Variants in CHLSN observed in about 807,000 individuals in gnomAD.
CHLSN encodes protein cholesin.
At chr7:1,002,673 G>A in the CHLSN span, among the ~76,000 whole-genome samples, 1 of 118,494 alleles carries the variant, frequency 8.4e-6, no homozygotes, top group African/African-American at 3.6e-5. Flanking sequence ...TCCTGCGGGT[G>A]AGTGGAGTCC....
the CHLSN span, among the ~76,000 whole-genome samples, chr7:1,119,106 G>C: frequency 2.6e-5 from 4 of 151,902 alleles, no homozygotes; most frequent in African/African-American, 9.7e-5. Context: ...TACAAAATTA[G>C]CCAGGCGTGG....
At chr7:999,289 GGA>G in the CHLSN span, among the ~76,000 whole-genome samples, 200 of 152,376 alleles carry the variant, frequency 1.3e-3, no homozygotes, top group East Asian at 0.019. Context: ...TCCTCCACAT[GGA>G]ACAGGCTTGG....
At chr7:1,023,027 C>G in the CHLSN span, 1 of 457,942 alleles carries the variant, frequency 2.2e-6, no homozygotes, top group Non-Finnish European at 4.4e-6. This position sits in a 1 kb window ranked among gnomAD's most constrained non-coding sequence, Gnocchi z 5.0. Flanking sequence ...GGCCGCCCCG[C>G]CCCTGCGGAG....
At chr7:1,078,072 C>T in the CHLSN span, 1 of 152,150 alleles carries the variant, frequency 6.6e-6, no homozygotes, top group South Asian at 2.1e-4. Flanking sequence ...ATTTTTACAG[C>T]GTTTGGGATT....
the CHLSN span, chr7:1,009,854 CT>C: frequency 9.0e-7 from 1 of 1,116,710 alleles, no homozygotes; most frequent in Admixed American, 2.8e-5. Flanking sequence ...GCTCTAGAAC[CT>C]TCCACACAGT....
At chr7:1,092,356 G>A in the CHLSN span, 1 of 1,611,172 alleles carries the variant, frequency 6.2e-7, no homozygotes, top group Non-Finnish European at 8.5e-7. Flanking sequence ...CTGTTTCGCG[G>A]ATGTCCGGGA....
the CHLSN span, among the ~76,000 whole-genome samples, chr7:1,062,590 C>T: frequency 1.3e-5 from 2 of 152,184 alleles, no homozygotes; most frequent in East Asian, 1.9e-4. Context: ...CCCACACAGG[C>T]GTTACTCCTC....
the CHLSN span, among the ~76,000 whole-genome samples, chr7:1,098,360 C>T: frequency 6.6e-6 from 1 of 152,302 alleles, no homozygotes; most frequent in Non-Finnish European, 1.5e-5. Context: ...AGAATCAACA[C>T]GTGGAAACAA....
chr7:1,133,180 C>T, the CHLSN span, among the ~76,000 whole-genome samples: 68 of 152,182 alleles, frequency 4.5e-4, no homozygotes, highest in African/African-American at 1.5e-3. Context: ...AGAAGCCAGA[C>T]GCCCAAGACT....
the CHLSN span, among the ~76,000 whole-genome samples, chr7:1,070,727 CATGCACGCACAT>C: frequency 1.3e-5 from 2 of 151,296 alleles, no homozygotes; most frequent in Non-Finnish European, 3.0e-5. Flanking sequence ...CACGCGCACA[CATGCACGCACAT>C]ATGCACACAA....
the CHLSN span, among the ~76,000 whole-genome samples, chr7:1,127,673 C>T: frequency 7.2e-4 from 49 of 68,138 alleles, 4 homozygotes; most frequent in African/African-American, 1.4e-3. Context: ...CTCATCCCAC[C>T]GTCACCCGGG....
chr7:997,832 A>AGGGGC, the CHLSN span: 4 of 1,406,722 alleles, frequency 2.8e-6, no homozygotes, highest in Non-Finnish European at 4.0e-6. Context: ...CGAGTTGGTC[A>AGGGGC]GGGGCGGGGC....
chr7:1,017,775 G>A, the CHLSN span, among the ~76,000 whole-genome samples: 6 of 152,194 alleles, frequency 3.9e-5, no homozygotes, highest in East Asian at 3.8e-4. Context: ...AGCTGCGGAC[G>A]GCAGGGTAAG....
the CHLSN span, chr7:997,892 C>G: frequency 6.4e-5 from 83 of 1,295,302 alleles, no homozygotes; most frequent in East Asian, 2.1e-3. Flanking sequence ...GCCAAGGACA[C>G]CCGGGCCTCA....
At chr7:1,101,166 A>T in the CHLSN span, among the ~76,000 whole-genome samples, 1 of 152,262 alleles carries the variant, frequency 6.6e-6, no homozygotes, top group East Asian at 1.9e-4. Flanking sequence ...GCTCTCGCAC[A>T]CACCCAGGCT....
chr7:1,008,749 TAAAC>T, the CHLSN span, among the ~76,000 whole-genome samples: 1 of 151,856 alleles, frequency 6.6e-6, no homozygotes, highest in Admixed American at 6.6e-5. Context: ...TGTCCACACA[TAAAC>T]ACACACGTGC....
the CHLSN span, chr7:1,127,335 T>C: frequency 2.2e-5 from 35 of 1,610,098 alleles, no homozygotes; most frequent in Non-Finnish European, 2.8e-5. Flanking sequence ...TCTTCAGCTT[T>C]TTGTTCTTTT....
At chr7:1,132,724 C>A in the CHLSN span, among the ~76,000 whole-genome samples, 1 of 142,316 alleles carries the variant, frequency 7.0e-6, no homozygotes, top group African/African-American at 2.7e-5. Flanking sequence ...AAAGACACCA[C>A]CCATAGTATT....
chr7:1,133,711 G>T, the CHLSN span, among the ~76,000 whole-genome samples: 1 of 144,522 alleles, frequency 6.9e-6, no homozygotes, highest in South Asian at 2.2e-4. Context: ...CCGAGATCAA[G>T]CCACTGCACT....
Sources: allele counts gnomAD v4.1 joint callset (sites outside exome capture counted in the v4.1 genomes callset), GRCh38; gene constraint gnomAD v4.1.1; non-coding constraint Gnocchi (gnomAD v3.1); transcripts MANE v1.5; gene names NCBI Gene and HGNC (gene_info 2026-07-23, HGNC 2026-07-21).